Variants in DNAH5 observed in about 807,000 individuals in gnomAD.
The protein encoded by DNAH5 is axonemal beta dynein heavy chain 5.
A neutral mutation model predicts 518.2 loss-of-function variants in DNAH5; 372 were observed. The observed-to-expected ratio is 0.72, with a 90% confidence interval of 0.66 to 0.78. The LOEUF is 0.78. DNAH5 is among the 30% of genes least tolerant of loss of function. DNAH5 has a pLI of 0.00. For synonymous variants in DNAH5, 2,039 were observed against 2,025.9 expected (o/e 1.01, Z -0.17); for missense variants, 5,523 against 5,687.0 (o/e 0.97, Z 0.93).
chr5:13,769,564 G>A lies in DNAH5; in HGVS notation c.9657C>T (p.Ala3219=). Reference sequence around the variant, plus strand: ...CTTTCGCTTCCAGTTCTTTACTCAAGGCTGCAACAGACTCTGAAGCTTCTT... The same window carrying A: ...CTTTCGCTTCCAGTTCTTTACTCAAAGCTGCAACAGACTCTGAAGCTTCTT... The part of the protein sequence containing the change: ...KLKEASESVA[A]LSKELEAKEK... Residue 3219 remains alanine (A), a synonymous_variant, in exon 57 of 79, where the codon GCC becomes GCT. Transcript: ENST00000265104. 6.2e-7 allele frequency: 1 copy of A among 1,614,048 alleles called. No individual in the cohort carries two copies. Among genetic ancestry groups the A allele is most frequent in the Non-Finnish European group, 8.5e-7 (1 of 1,179,962 alleles).
intron 43 of DNAH5, 117 bp from the exon 44 acceptor site, chr5:13,811,940 C>T: frequency 1.2e-6 from 1 of 830,312 alleles, no homozygotes; most frequent in Non-Finnish European, 2.0e-6. Flanking sequence ...AATGATTATA[C>T]CACACACTAT....
chr5:13,754,766 A>G (rs1166049938), intron 61 of DNAH5, among the ~76,000 whole-genome samples: 5 of 151,294 alleles, frequency 3.3e-5, no homozygotes, highest in Non-Finnish European at 5.9e-5. Context: ...TCAAGCTCCC[A>G]ACCTCAGGTG....
At chr5:13,876,415 T>C (rs1306278001) in intron 22 of DNAH5, among the ~76,000 whole-genome samples, 2 of 152,218 alleles carry the variant, frequency 1.3e-5, no homozygotes, top group Admixed American at 6.5e-5. Context: ...CATATTAGAT[T>C]TTTTAAGTTA....
At chr5:13,774,490 C>T (rs1383554121) in intron 55 of DNAH5, among the ~76,000 whole-genome samples, 1 of 152,036 alleles carries the variant, frequency 6.6e-6, no homozygotes, top group Admixed American at 6.6e-5. Context: ...AAATTGATGG[C>T]ACGTATTATA....
chr5:13,914,612 C>A lies in DNAH5; in HGVS notation c.1228G>T (p.Ala410Ser), dbSNP rs775477727. Residue 410 changes from alanine to serine, a missense_variant, in exon 10 of 79, where the codon GCC (alanine) becomes TCC (serine). By Grantham distance (99) the Ala-to-Ser change is moderately conservative (BLOSUM62 1). Transcript: ENST00000265104. ...VTNQIISACK[A>S]YITNNGTASI... ...GCGGTTCCATTATTGGTAATATAGG[C>A]TTTACATGCAGATATAATCTGATTT... The A allele has an allele frequency of 6.2e-7, 1 of 1,613,138 alleles. No homozygotes were observed. Among genetic ancestry groups the A allele is most frequent in the Non-Finnish European group, 8.5e-7 (1 of 1,179,240 alleles).
intron 38 of DNAH5, among the ~76,000 whole-genome samples, chr5:13,824,990 A>T (rs1286164929): frequency 6.6e-6 from 1 of 152,210 alleles, no homozygotes; most frequent in Non-Finnish European, 1.5e-5. Flanking sequence ...TTCCTCAAAA[A>T]ATTAAAAACG....
chr5:13,738,543 A>G (rs1271369237), intron 65 of DNAH5, among the ~76,000 whole-genome samples: 2 of 152,154 alleles, frequency 1.3e-5, no homozygotes, highest in African/African-American at 4.8e-5. Flanking sequence ...GGAGCTTTGG[A>G]GACAGCTGGG....
chr5:13,942,431 A>G (rs1203902180), intron 1 of DNAH5, among the ~76,000 whole-genome samples: 1 of 152,198 alleles, frequency 6.6e-6, no homozygotes, highest in African/African-American at 2.4e-5. Flanking sequence ...TTATAATATA[A>G]TAAGCTATCT....
chr5:13,708,194 T>G lies in DNAH5; in HGVS notation c.13267A>C (p.Ile4423Leu), dbSNP rs773154553. 2.5e-6 allele frequency: 4 copies of G among 1,614,212 alleles called. No individual in the cohort carries two copies. Among genetic ancestry groups the G allele is most frequent in the Non-Finnish European group, 8.5e-7 (1 of 1,180,024 alleles). The part of the protein sequence containing the change: ...ELKLAIDGTI[I>L]MSENLRDALD... ...GCATCTCGCAGATTTTCGCTCATGA[T>G]GATGGTGCCATCAATAGCAAGTTTC... The change falls in exon 76 of 79, where the codon ATC (isoleucine) becomes CTC (leucine). Residue 4423 changes from isoleucine (I) to leucine (L), a missense_variant. This residue lies in a region of DNAH5 where 387 missense variants were observed against 430.0 expected (regional missense o/e 0.90). Coordinates refer to ENST00000265104, the MANE Select transcript of DNAH5 (RefSeq NM_001369.3).
intron 1 of DNAH5, among the ~76,000 whole-genome samples, chr5:14,009,815 G>A (rs1463304874): frequency 6.6e-6 from 1 of 152,220 alleles, no homozygotes; most frequent in East Asian, 1.9e-4. Flanking sequence ...AGATGTGCCT[G>A]AGTGAACAGA....
At chr5:13,991,859 C>T (rs182961975) in intron 1 of DNAH5, among the ~76,000 whole-genome samples, 7 of 152,180 alleles carry the variant, frequency 4.6e-5, no homozygotes, top group Non-Finnish European at 8.8e-5. Context: ...TCTCCATCTG[C>T]GAAAGAGATA....
chr5:14,011,523 C>A (rs564471774), intron 1 of DNAH5, among the ~76,000 whole-genome samples: 1 of 152,172 alleles, frequency 6.6e-6, no homozygotes, highest in Non-Finnish European at 1.5e-5. Context: ...GACCACAAGC[C>A]GAGCCCCTCC....
intron 75 of DNAH5, among the ~76,000 whole-genome samples, chr5:13,713,246 T>TATATATATACCGAC (rs1323742920): frequency 6.8e-6 from 1 of 146,570 alleles, no homozygotes; most frequent in African/African-American, 2.5e-5. Flanking sequence ...TATACCAACA[T>TATATATATACCGAC]ATATATATAC....
intron 30 of DNAH5, among the ~76,000 whole-genome samples, chr5:13,859,184 T>C (rs1281542569): frequency 6.6e-6 from 1 of 152,198 alleles, no homozygotes; most frequent in African/African-American, 2.4e-5. Context: ...AGCATATCAA[T>C]TATGCGACCA....
chr5:13,869,645 C>T (rs1241726386), intron 24 of DNAH5, among the ~76,000 whole-genome samples: 1 of 152,164 alleles, frequency 6.6e-6, no homozygotes, highest in Non-Finnish European at 1.5e-5. Context: ...CAAAATTACA[C>T]ACACATACAC....
intron 1 of DNAH5, among the ~76,000 whole-genome samples, chr5:13,982,751 G>T (rs983336100): frequency 2.1e-4 from 31 of 150,890 alleles, no homozygotes; most frequent in Non-Finnish European, 2.4e-4. Context: ...CTACTGCATT[G>T]CTTTCATCAT....
rs1776407934 is a variant in DNAH5, at chr5:13,914,516, T to C, written c.1320+4A>G. On this transcript the variant is annotated splice_donor_region_variant and intron_variant, in intron 10 of 78. Coordinates refer to ENST00000265104, the MANE Select transcript of DNAH5 (RefSeq NM_001369.3). ...GAACATCTAAATACTAAACTGACCA[T>C]TACCTGTTTCAGTTTAATCGCAGAT... 2 of 1,612,744 alleles carry C rather than the reference T, an allele frequency of 1.2e-6. No homozygotes were observed. Among genetic ancestry groups the C allele is most frequent in the South Asian group, 1.1e-5 (1 of 91,044 alleles).
chr5:13,823,194 C>T, intron 40 of DNAH5, 69 bp downstream of exon 40: 1 of 1,047,960 alleles, frequency 9.5e-7, no homozygotes. Flanking sequence ...GCCACAGCAG[C>T]CCCACTTTAT....
intron 1 of DNAH5, among the ~76,000 whole-genome samples, chr5:14,003,968 C>T (rs551115233): frequency 2.1e-4 from 32 of 152,358 alleles, no homozygotes; most frequent in Middle Eastern, 3.4e-3. Context: ...AACCACCCAA[C>T]TCATCCCTTC....
Sources: gnomAD v4.1 joint callset for allele counts (sites outside exome capture counted in the v4.1 genomes callset) on GRCh38, gnomAD v4.1.1 for gene constraint, gnomAD v4.1.1 regional missense constraint, MANE v1.5 for transcripts, NCBI Gene and HGNC (gene_info 2026-07-23, HGNC 2026-07-21) for gene names.